METTL9: variants seen among roughly 807,000 people sequenced by gnomAD.
The protein encoded by METTL9 is protein-L-histidine N-pros-methyltransferase.
METTL9 carries 10 observed loss-of-function variants against 36.0 expected under a neutral mutation model. That is an observed-to-expected ratio of 0.28 (90% CI 0.17 to 0.47). METTL9 has a LOEUF of 0.47. Among genes scored for constraint, METTL9 ranks in the 20% least tolerant of loss-of-function variants. The pLI, the probability that METTL9 is intolerant of heterozygous loss-of-function variation, is 0.99. For missense variants in METTL9, 246 were observed against 383.5 expected, an observed-to-expected ratio of 0.64 and a Z score of 3.00; for synonymous variants, 175 against 149.7, an observed-to-expected ratio of 1.17 and a Z score of -1.23.
intron 4 of METTL9, among the ~76,000 whole-genome samples, chr16:21,629,368 C>T (rs1422584190): frequency 6.6e-6 from 1 of 152,126 alleles, no homozygotes; most frequent in Non-Finnish European, 1.5e-5. Context: ...CCTTGCTTCT[C>T]TCTACCTTCT....
intron 4 of METTL9, among the ~76,000 whole-genome samples, chr16:21,630,318 C>T (rs1042113811): frequency 2.6e-5 from 4 of 152,248 alleles, no homozygotes; most frequent in African/African-American, 7.2e-5. Flanking sequence ...CGCTGGCTCC[C>T]GCCTGCACCT....
chr16:21,621,368 C>G (rs1358933837), intron 3 of METTL9, among the ~76,000 whole-genome samples: 1 of 151,946 alleles, frequency 6.6e-6, no homozygotes, highest in Non-Finnish European at 1.5e-5. Context: ...GCTCCATCAC[C>G]AGGCTGGAGT....
intron 1 of METTL9, among the ~76,000 whole-genome samples, chr16:21,602,717 GCCCAATTTT>G (rs1965168237): frequency 6.6e-6 from 1 of 151,840 alleles, no homozygotes; most frequent in South Asian, 2.1e-4. Context: ...GAGCGCAGTG[GCCCAATTTT>G]GGTTCACTGC....
intron 3 of METTL9, among the ~76,000 whole-genome samples, chr16:21,619,398 C>T (rs1965635650): frequency 6.9e-6 from 1 of 145,612 alleles, no homozygotes; most frequent in Non-Finnish European, 1.5e-5. Context: ...TTAAGGTCAT[C>T]TGGAGTTTGA....
chr16:21,639,696 T>A (rs1011667213), intron 4 of METTL9: 1 of 152,222 alleles, frequency 6.6e-6, no homozygotes, highest in African/African-American at 2.4e-5. Flanking sequence ...CCCACACATA[T>A]ACACATGTGC....
intron 4 of METTL9, chr16:21,652,666 GGAA>G: frequency 7.8e-7 from 1 of 1,282,162 alleles, no homozygotes; most frequent in East Asian, 2.4e-5. Flanking sequence ...TTTTCAGAAG[GGAA>G]GAAGAGCTGA....
intron 4 of METTL9, chr16:21,639,406 G>A (rs1259560964): frequency 1.3e-5 from 2 of 152,144 alleles, no homozygotes; most frequent in Admixed American, 6.5e-5. Flanking sequence ...GAAATGAAAA[G>A]CAAATGATCG....
At chr16:21,614,151 A>G (rs1350183270) in intron 2 of METTL9, among the ~76,000 whole-genome samples, 1 of 152,184 alleles carries the variant, frequency 6.6e-6, no homozygotes, top group Non-Finnish European at 1.5e-5. Context: ...TGTTATTTTT[A>G]TATGGGTGGT....
intron 2 of METTL9, 114 bp from the exon 3 acceptor site, chr16:21,617,751 T>G: frequency 2.1e-6 from 2 of 935,990 alleles, no homozygotes; most frequent in Non-Finnish European, 3.4e-6. Context: ...ATCTTAACCA[T>G]GTAATAAGTG....
chr16:21,648,833 A>G (rs1177459032), intron 4 of METTL9, among the ~76,000 whole-genome samples: 1 of 152,228 alleles, frequency 6.6e-6, no homozygotes, highest in Non-Finnish European at 1.5e-5. Context: ...AATGAAACTG[A>G]AAAGTCATCC....
chr16:21,609,462 G>T (rs966516563), intron 1 of METTL9, among the ~76,000 whole-genome samples: 1 of 152,168 alleles, frequency 6.6e-6, no homozygotes, highest in Admixed American at 6.5e-5. Context: ...GGACAAATGG[G>T]ATGTATGAAA....
At chr16:21,608,154 A>C (rs982289457) in intron 1 of METTL9, among the ~76,000 whole-genome samples, 3 of 152,188 alleles carry the variant, frequency 2.0e-5, no homozygotes, top group Non-Finnish European at 4.4e-5. Context: ...GTCTCAAAAA[A>C]AACAAAGAAC....
At chr16:21,644,209 C>G (rs1966357839) in intron 4 of METTL9, 2 of 1,040,678 alleles carry the variant, frequency 1.9e-6, no homozygotes, top group South Asian at 2.6e-5. Flanking sequence ...AGGCCCATAA[C>G]TTGTGGAGAG....
At chr16:21,643,772 A>G (rs551394284) in intron 4 of METTL9, among the ~76,000 whole-genome samples, 2 of 152,212 alleles carry the variant, frequency 1.3e-5, no homozygotes, top group Admixed American at 6.5e-5. Flanking sequence ...CTAATTGAAC[A>G]AACTGACGTT....
At chr16:21,644,536 C>T (rs1966371831) in intron 4 of METTL9, 1 of 607,180 alleles carries the variant, frequency 1.6e-6, no homozygotes, top group Non-Finnish European at 2.9e-6. Context: ...AAAACTAGAC[C>T]TCAAAAGGTA....
intron 1 of METTL9, among the ~76,000 whole-genome samples, chr16:21,602,377 G>A (rs2152892227): frequency 6.6e-6 from 1 of 152,274 alleles, no homozygotes; most frequent in South Asian, 2.1e-4. Flanking sequence ...TTGGGCTAAA[G>A]CTGCTCTAAA....
At chr16:21,617,062 A>G (rs1328873696) in intron 2 of METTL9, among the ~76,000 whole-genome samples, 9 of 152,082 alleles carry the variant, frequency 5.9e-5, no homozygotes, top group African/African-American at 1.2e-4. Context: ...CCAAAGACAA[A>G]TGGTATCTGG....
intron 1 of METTL9, among the ~76,000 whole-genome samples, chr16:21,602,118 T>G (rs1029936807): frequency 2.0e-5 from 3 of 152,302 alleles, no homozygotes; most frequent in African/African-American, 7.2e-5. Context: ...ATTAATAGTT[T>G]TATACAAGGT....
chr16:21,626,945 A>G, intron 4 of METTL9: 1 of 985,218 alleles, frequency 1.0e-6, no homozygotes, highest in Non-Finnish European at 1.2e-6. Flanking sequence ...AAAAATGGAG[A>G]GGAAGTCAAA....
Sources: gnomAD v4.1 joint callset for allele counts (sites outside exome capture counted in the v4.1 genomes callset) on GRCh38, gnomAD v4.1.1 for gene constraint, MANE v1.5 for transcripts, NCBI Gene and HGNC (gene_info 2026-07-23, HGNC 2026-07-21) for gene names.